ITGB5: variants seen among roughly 807,000 people sequenced by gnomAD.
ITGB5 encodes integrin beta-5.
In ITGB5, 38 loss-of-function variants were observed where a neutral mutation model predicts 84.8. The ratio of observed to expected loss-of-function variants is 0.45; its 90% CI spans 0.35 to 0.59. The LOEUF is 0.59. Among genes scored for constraint, ITGB5 ranks in the 20% least tolerant of loss-of-function variants. The probability of loss-of-function intolerance (pLI) is 0.01; values close to 1 mark genes in which losing one functional copy is unlikely to be tolerated. For missense variants in ITGB5, 905 were observed against 1,034.5 expected (o/e 0.87, Z 1.72); for synonymous variants, 393 against 414.4 (o/e 0.95, Z 0.63).
intron 5 of ITGB5, among the ~76,000 whole-genome samples, chr3:124,832,067 C>A (rs983645029): frequency 5.9e-5 from 9 of 152,196 alleles, no homozygotes; most frequent in African/African-American, 1.9e-4. Context: ...CTGATAGAGT[C>A]ACATGATAAC....
At chr3:124,787,421 T>C (rs1182640332) in intron 10 of ITGB5, 1 of 152,134 alleles carries the variant, frequency 6.6e-6, no homozygotes, top group Non-Finnish European at 1.5e-5. Context: ...GAAGTCTTAA[T>C]GGTAAAGGTA....
chr3:124,888,900 A>G (rs1305503997), upstream of ITGB5, among the ~76,000 whole-genome samples: 1 of 152,154 alleles, frequency 6.6e-6, no homozygotes, highest in Non-Finnish European at 1.5e-5. Context: ...GTGGTGCCTC[A>G]ATGCCTGAGG....
At chr3:124,876,709 C>G (rs1934334985) in intron 1 of ITGB5, among the ~76,000 whole-genome samples, 1 of 152,168 alleles carries the variant, frequency 6.6e-6, no homozygotes, top group African/African-American at 2.4e-5. Flanking sequence ...AACCCTGAAC[C>G]CTAGGCCTCC....
chr3:124,885,003 G>C (rs559981035), intron 1 of ITGB5, among the ~76,000 whole-genome samples: 14 of 152,214 alleles, frequency 9.2e-5, no homozygotes, highest in Admixed American at 2.0e-4. Context: ...AGGCGTGGTG[G>C]CTCATGCCTG....
chr3:124,865,297 T>A (rs560509713), intron 2 of ITGB5, among the ~76,000 whole-genome samples: 1 of 152,056 alleles, frequency 6.6e-6, no homozygotes, highest in South Asian at 2.1e-4. Context: ...GCAAGAAGGA[T>A]GGGCTTCTAA....
intron 10 of ITGB5, among the ~76,000 whole-genome samples, chr3:124,789,102 G>A (rs1675054477): frequency 6.6e-6 from 1 of 152,214 alleles, no homozygotes; most frequent in Non-Finnish European, 1.5e-5. Context: ...ACTGTAACAA[G>A]CCATTTGTGA....
chr3:124,790,490 C>T lies in ITGB5; in HGVS notation c.1693+5898G>A, dbSNP rs569864669. ...TTTGACTAGACAGGGTTATCAGAAC[C>T]GCCTTTGACTAGACAGGGTTATCAG... is the stretch of plus-strand genomic sequence containing the variant. On this transcript the variant is annotated intron_variant, in intron 10 of 14. Coordinates refer to ENST00000296181, the MANE Select transcript of ITGB5 (RefSeq NM_002213.5). Among the ~76,000 whole-genome samples the T allele has an allele frequency of 8.4e-4, 125 of 149,222 alleles. 1 individual carries two copies. The South Asian group carries it at 0.022, about 27-fold the overall frequency.
chr3:124,845,826 T>C (rs2107600006), intron 4 of ITGB5, among the ~76,000 whole-genome samples: 1 of 152,320 alleles, frequency 6.6e-6, no homozygotes, highest in East Asian at 1.9e-4. Context: ...AAAATCACTA[T>C]TTCAGATGAA....
chr3:124,884,346 G>C (rs1485176648), intron 1 of ITGB5, among the ~76,000 whole-genome samples: 1 of 152,222 alleles, frequency 6.6e-6, no homozygotes, highest in African/African-American at 2.4e-5. Context: ...TAAGCAGCAA[G>C]TTCTGGAGGC....
At chr3:124,853,210 A>G (rs2065180452) in intron 3 of ITGB5, among the ~76,000 whole-genome samples, 1 of 152,256 alleles carries the variant, frequency 6.6e-6, no homozygotes, top group Non-Finnish European at 1.5e-5. Flanking sequence ...GAAGGGAAAC[A>G]TAAAAATCAA....
intron 12 of ITGB5, among the ~76,000 whole-genome samples, chr3:124,767,334 G>A (rs1198943675): frequency 6.6e-6 from 1 of 152,210 alleles, no homozygotes; most frequent in African/African-American, 2.4e-5. Context: ...TGGACTTTCT[G>A]TCTCAGCTCC....
chr3:124,838,671 G>A (rs775681557), intron 5 of ITGB5, among the ~76,000 whole-genome samples: 1 of 151,768 alleles, frequency 6.6e-6, no homozygotes, highest in Non-Finnish European at 1.5e-5. Flanking sequence ...GCATGATCTC[G>A]GTTCACTGAA....
intron 10 of ITGB5, among the ~76,000 whole-genome samples, chr3:124,780,209 C>T (rs758909179): frequency 8.7e-5 from 13 of 149,512 alleles, no homozygotes; most frequent in Non-Finnish European, 1.8e-4. Flanking sequence ...TCAACTCTGG[C>T]CCAGGAACAA....
intron 2 of ITGB5, among the ~76,000 whole-genome samples, chr3:124,866,274 T>C (rs554235452): frequency 9.2e-5 from 14 of 152,320 alleles, no homozygotes; most frequent in African/African-American, 3.1e-4. Flanking sequence ...TGAGCCACCA[T>C]GCCCAGCTCC....
At chr3:124,817,786 G>A (rs2064628314) in intron 7 of ITGB5, 76 bp from the exon 8 acceptor site, 1 of 780,382 alleles carries the variant, frequency 1.3e-6, no homozygotes, top group Non-Finnish European at 2.2e-6. Flanking sequence ...TGCTATACTG[G>A]GCTAGAACAG....
intron 11 of ITGB5, among the ~76,000 whole-genome samples, chr3:124,770,738 C>T (rs2063830358): frequency 1.3e-5 from 2 of 152,090 alleles, no homozygotes; most frequent in South Asian, 4.1e-4. Flanking sequence ...ATCCCACTCT[C>T]CTGGGACTGA....
chr3:124,895,347 C>A (rs1935081397), intron 1 of ITGB5, among the ~76,000 whole-genome samples: 1 of 152,208 alleles, frequency 6.6e-6, no homozygotes, highest in Non-Finnish European at 1.5e-5. Context: ...CCGCCTCAGC[C>A]TCTGAAGTAG....
intron 1 of ITGB5, among the ~76,000 whole-genome samples, chr3:124,879,879 A>G (rs115100305): frequency 0.013 from 1,962 of 152,358 alleles, 55 homozygotes; most frequent in African/African-American, 0.043. Flanking sequence ...GGCACAATTT[A>G]TTTAGAAAAG....
rs555139762 is a variant in ITGB5, at chr3:124,798,201, C to T, written c.1264-1384G>A. ...CAGAGTAGCTGGGATTACAGGTGCG[C>T]GCCACCACACGCAGCTAATTTTTGT... On this transcript the variant is annotated intron_variant, in intron 9 of 14. Transcript: ENST00000296181. 1.7e-4 allele frequency among the ~76,000 whole-genome samples: 26 copies of T among 150,960 alleles called. No individual in the cohort carries two copies. The East Asian group carries it at 3.6e-3, about 21-fold the overall frequency.
Sources: gnomAD v4.1 joint callset for allele counts (sites outside exome capture counted in the v4.1 genomes callset) on GRCh38, gnomAD v4.1.1 for gene constraint, MANE v1.5 for transcripts, NCBI Gene and HGNC (gene_info 2026-07-23, HGNC 2026-07-21) for gene names.